SCARB1: variants seen among roughly 807,000 people sequenced by gnomAD.
SCARB1 encodes CD36 and LIMPII analogous 1.
SCARB1 carries 30 observed loss-of-function variants against 57.2 expected under a neutral mutation model. The ratio of observed to expected loss-of-function variants is 0.52; its 90% confidence interval spans 0.39 to 0.71. The LOEUF (loss-of-function observed/expected upper bound fraction) is 0.71. SCARB1 is among the 30% of genes least tolerant of loss of function. The probability of loss-of-function intolerance (pLI) is 0.00; values close to 1 mark genes in which losing one functional copy is unlikely to be tolerated. For synonymous variants in SCARB1, 249 were observed against 268.3 expected (o/e 0.93, Z 0.70); for missense variants, 543 against 671.2 (o/e 0.81, Z 2.11).
At chr12:124,779,034 T>C (rs115398892) in intron 12 of SCARB1, among the ~76,000 whole-genome samples, 4,621 of 152,238 alleles carry the variant, frequency 0.03, 252 homozygotes, top group African/African-American at 0.11. Context: ...CACCACGGCC[T>C]TGAACTCCTG....
At chr12:124,836,854 T>A (rs1951666585) in intron 1 of SCARB1, among the ~76,000 whole-genome samples, 1 of 152,164 alleles carries the variant, frequency 6.6e-6, no homozygotes, top group Admixed American at 6.5e-5. Context: ...ATTTTACTGA[T>A]GAAGAAAGTG....
intron 1 of SCARB1, among the ~76,000 whole-genome samples, chr12:124,844,779 C>T (rs1317331963): frequency 3.3e-5 from 5 of 152,028 alleles, no homozygotes; most frequent in Admixed American, 6.6e-5. Flanking sequence ...GTCTTTGGCC[C>T]ATGCACCTGT....
In SCARB1 at chr12:124,787,400, C is replaced by T; in HGVS notation, c.1254+6G>A. On this transcript the variant is annotated splice_donor_region_variant and intron_variant, in intron 10 of 12. Coordinates refer to ENST00000261693, the MANE Select transcript of SCARB1 (RefSeq NM_005505.5). The stretch of plus-strand genomic sequence containing the variant: ...GCCCCCGACGCTGTGCCCAACGCAC[C>T]CTTACCTCTGCAAACCAGAGCAGCG... 1 of 1,613,690 alleles carries T rather than the reference C, an allele frequency of 6.2e-7. No individual in the cohort carries two copies. Among genetic ancestry groups the T allele is most frequent in the Non-Finnish European group, 8.5e-7 (1 of 1,179,906 alleles).
At chr12:124,792,479 C>T (rs1431783097) in intron 9 of SCARB1, among the ~76,000 whole-genome samples, 3 of 151,956 alleles carry the variant, frequency 2.0e-5, no homozygotes, top group Non-Finnish European at 4.4e-5. Flanking sequence ...TGCCTATAAT[C>T]CCAGCACTCT....
chr12:124,811,342 C>T (rs915138889), intron 5 of SCARB1, among the ~76,000 whole-genome samples: 1 of 152,194 alleles, frequency 6.6e-6, no homozygotes, highest in Non-Finnish European at 1.5e-5. Context: ...TGCGTGATCT[C>T]AGCTCACTGC....
chr12:124,858,547 A>C (rs547817530), intron 1 of SCARB1, among the ~76,000 whole-genome samples: 213 of 152,232 alleles, frequency 1.4e-3, no homozygotes, highest in African/African-American at 4.9e-3. Context: ...GTCTTTGAGG[A>C]AAACTATGTA....
chr12:124,780,688 C>A (rs1054169296), intron 12 of SCARB1, among the ~76,000 whole-genome samples: 1 of 152,210 alleles, frequency 6.6e-6, no homozygotes, highest in Non-Finnish European at 1.5e-5. Context: ...GTCTCATCAC[C>A]TAAAAATTGG....
chr12:124,788,770 T>C (rs866793), intron 9 of SCARB1, among the ~76,000 whole-genome samples: 1,930 of 152,286 alleles, frequency 0.013, 41 homozygotes, highest in African/African-American at 0.043. Context: ...TCCACCAATA[T>C]ACCTCACGAC....
intron 1 of SCARB1, among the ~76,000 whole-genome samples, chr12:124,819,621 G>A (rs940393914): frequency 6.6e-6 from 1 of 152,092 alleles, no homozygotes; most frequent in East Asian, 1.9e-4. Context: ...GTCAGAGCCC[G>A]GCAGGAGTGA....
intron 12 of SCARB1, among the ~76,000 whole-genome samples, chr12:124,781,585 C>G (rs575144569): frequency 1.3e-5 from 2 of 152,252 alleles, no homozygotes; most frequent in African/African-American, 4.8e-5. Flanking sequence ...GGGGCATCAG[C>G]CTATGTTCCC....
intron 7 of SCARB1, among the ~76,000 whole-genome samples, chr12:124,803,689 CAAAAAAAAAAAAA>C (rs58564503): frequency 0.11 from 5,325 of 47,832 alleles, 402 homozygotes; most frequent in African/African-American, 0.24. Context: ...CCCACCTCTA[CAAAAAAAAAAAAA>C]AAAAAAAAAA....
Position 124,786,454 on chromosome 12 carries a change from A to T in SCARB1, c.1304T>A (p.Val435Glu), listed in dbSNP as rs1949522478. ...ETLHTFYTQL[V>E]LMPKVMHYAQ... is the part of the protein sequence containing the mutation. ...ATAGTGCATCACCTTGGGCATCAAC[A>T]CCAGCTGAGTGTAGAATGTGTGAAG... The change falls in exon 11 of 13, where the codon GTG becomes GAG. Residue 435 changes from valine (V) to glutamate (E), a missense_variant. Transcript: ENST00000261693. The T allele has an allele frequency of 1.2e-6, 2 of 1,613,992 alleles. No individual in the cohort carries two copies. Among genetic ancestry groups the T allele is most frequent in the South Asian group, 2.2e-5 (2 of 91,090 alleles).
At chr12:124,858,144 C>A (rs537364550) in intron 1 of SCARB1, among the ~76,000 whole-genome samples, 1 of 152,316 alleles carries the variant, frequency 6.6e-6, no homozygotes, top group South Asian at 2.1e-4. Context: ...CAGACAGACA[C>A]CTTCACACAC....
chr12:124,805,040 G>A (rs1378880596), intron 7 of SCARB1, among the ~76,000 whole-genome samples: 1 of 151,318 alleles, frequency 6.6e-6, no homozygotes, highest in Non-Finnish European at 1.5e-5. Flanking sequence ...CCTGCCTACA[G>A]GGATGACAGT....
intron 1 of SCARB1, among the ~76,000 whole-genome samples, chr12:124,836,069 T>C (rs536608934): frequency 1.2e-4 from 19 of 152,334 alleles, no homozygotes; most frequent in Middle Eastern, 3.4e-3. Context: ...ATTTCAACCC[T>C]GCCTGAGCAT....
chr12:124,830,953 C>A (rs984666529), intron 1 of SCARB1, among the ~76,000 whole-genome samples: 1 of 150,120 alleles, frequency 6.7e-6, no homozygotes, highest in African/African-American at 2.5e-5. Flanking sequence ...GCTGGGACTA[C>A]AGGCATACGC....
intron 12 of SCARB1, 59 bp from the exon 13 acceptor site, chr12:124,778,645 A>AAGCCC: frequency 7.3e-7 from 1 of 1,360,818 alleles, no homozygotes; most frequent in Non-Finnish European, 9.5e-7. Flanking sequence ...CCCCACCCTC[A>AAGCCC]TCCCCGCCCA....
At chr12:124,782,654 G>A in intron 12 of SCARB1, 29 bp downstream of exon 12, 3 of 1,611,390 alleles carry the variant, frequency 1.9e-6, no homozygotes, top group Non-Finnish European at 2.5e-6. Flanking sequence ...GAGGGGGCGG[G>A]GAGGCGCACG....
intron 1 of SCARB1, among the ~76,000 whole-genome samples, chr12:124,821,126 C>T (rs1362051414): frequency 3.3e-5 from 5 of 151,874 alleles, no homozygotes; most frequent in African/African-American, 7.3e-5. Flanking sequence ...TAGTCCCAGC[C>T]GCTTGGGAGG....
Sources: allele counts gnomAD v4.1 joint callset (sites outside exome capture counted in the v4.1 genomes callset), GRCh38; gene constraint gnomAD v4.1.1; transcripts MANE v1.5; gene names NCBI Gene and HGNC (gene_info 2026-07-23, HGNC 2026-07-21).